The following FUT8 variants were observed in gnomAD, a reference collection of about 807,000 sequenced individuals.
The protein encoded by FUT8 is fucosyltransferase 8.
Under a neutral mutation model 71.3 loss-of-function variants are expected in FUT8, and 29 were observed. That is an observed-to-expected ratio of 0.41 (90% CI 0.30 to 0.55). FUT8 has a LOEUF of 0.55. Ranked by LOEUF, FUT8 falls within the 20% of genes least tolerant of loss-of-function variation. The probability of loss-of-function intolerance (pLI) is 0.34; values close to 1 mark genes in which losing one functional copy is unlikely to be tolerated. For missense variants in FUT8, 544 were observed against 702.1 expected, an observed-to-expected ratio of 0.77 and a Z score of 2.55; for synonymous variants, 254 against 239.3, an observed-to-expected ratio of 1.06 and a Z score of -0.57.
intron 1 of FUT8, among the ~76,000 whole-genome samples, chr14:65,423,418 C>G (rs550628221): frequency 1.4e-4 from 21 of 152,142 alleles, no homozygotes; most frequent in African/African-American, 4.3e-4. Context: ...CCCATCACTA[C>G]GCCAGGCTAA....
At chr14:65,490,561 T>G (rs1422444828) in intron 2 of FUT8, among the ~76,000 whole-genome samples, 1 of 152,154 alleles carries the variant, frequency 6.6e-6, no homozygotes, top group African/African-American at 2.4e-5. Flanking sequence ...AAAAATATAT[T>G]TCTTCAAATT....
chr14:65,533,480 G>T (rs1021372664), intron 2 of FUT8, among the ~76,000 whole-genome samples: 1 of 152,090 alleles, frequency 6.6e-6, no homozygotes, highest in East Asian at 1.9e-4. Context: ...TATAGGAATG[G>T]TAGTGATTTT....
chr14:65,649,587 TAAAGCTGAACTCTAAGGAA>T (rs1324156715), intron 6 of FUT8, among the ~76,000 whole-genome samples: 1 of 152,192 alleles, frequency 6.6e-6, no homozygotes, highest in Non-Finnish European at 1.5e-5. Flanking sequence ...AAAATGGAAA[TAAAGCTGAACTCTAAGGAA>T]AAGCTTTTAA....
intron 3 of FUT8, among the ~76,000 whole-genome samples, chr14:65,598,660 A>C (rs1594802601): frequency 1.3e-5 from 2 of 152,336 alleles, no homozygotes; most frequent in African/African-American, 4.8e-5. Flanking sequence ...CATTTTAATT[A>C]CTGAATTATG....
At chr14:65,372,466 A>G in the FUT8 span, among the ~76,000 whole-genome samples, 1 of 148,574 alleles carries the variant, frequency 6.7e-6, no homozygotes, top group Admixed American at 6.8e-5. Context: ...CCCGAGCTGG[A>G]GTGCAGTGGC....
chr14:65,667,983 T>G (rs1892298468), intron 6 of FUT8, among the ~76,000 whole-genome samples: 1 of 152,194 alleles, frequency 6.6e-6, no homozygotes, highest in African/African-American at 2.4e-5. Context: ...AAGGACTCCC[T>G]ATTCAATAAA....
intron 1 of FUT8, among the ~76,000 whole-genome samples, chr14:65,421,832 A>C (rs1158458795): frequency 6.9e-6 from 1 of 144,552 alleles, no homozygotes; most frequent in Non-Finnish European, 1.5e-5. Context: ...CATGCACAAC[A>C]TCTGGACACA....
chr14:65,494,153 T>C lies in FUT8; in HGVS notation c.-228+38435T>C, dbSNP rs540261674. ...ACCACACATGTAATTTTTTAACTTT[T>C]TGTTAGCTACATTTAAAAAGCAAAA... On this transcript the variant is annotated intron_variant, in intron 2 of 10. Coordinates refer to ENST00000673929, the MANE Select transcript of FUT8 (RefSeq NM_001371533.1). 2.0e-5 allele frequency among the ~76,000 whole-genome samples: 3 copies of C among 152,316 alleles called. No individual in the cohort carries two copies. The South Asian group carries it at 6.2e-4, about 32-fold the overall frequency.
At chr14:65,580,070 T>TTTTATATATA (rs1555372883) in intron 3 of FUT8, among the ~76,000 whole-genome samples, 3 of 142,832 alleles carry the variant, frequency 2.1e-5, no homozygotes, top group East Asian at 4.0e-4. Context: ...GTGCTATATT[T>TTTTATATATA]TATATATATA....
the FUT8 span, among the ~76,000 whole-genome samples, chr14:65,403,538 C>T: frequency 6.6e-6 from 1 of 152,192 alleles, no homozygotes; most frequent in Non-Finnish European, 1.5e-5. Context: ...AGGATCTCTG[C>T]TTTCAAGAGG....
At chr14:65,389,946 T>C in the FUT8 span, among the ~76,000 whole-genome samples, 1 of 150,784 alleles carries the variant, frequency 6.6e-6, no homozygotes, top group Non-Finnish European at 1.5e-5. Flanking sequence ...ATCGAGACCA[T>C]CCTGGCCAAC....
At position 65,502,659 on chromosome 14, in the gene FUT8, A is replaced by G. The variant is rs142347857; in HGVS notation, c.-228+46941A>G. 3.3e-3 allele frequency among the ~76,000 whole-genome samples: 496 copies of G among 152,326 alleles called. 3 individuals are homozygous for G. In the East Asian group the frequency reaches 0.036, roughly 11 times the overall value. The stretch of plus-strand genomic sequence containing the variant: ...CCTTATTTAAAATGTAAAATAAATA[A>G]TGGTAAAAGTAATGATGTTACCCAT... On this transcript the variant is annotated intron_variant, in intron 2 of 10. Coordinates refer to ENST00000673929, the MANE Select transcript of FUT8 (RefSeq NM_001371533.1).
chr14:65,692,604 G>A (rs1396326500), intron 7 of FUT8, among the ~76,000 whole-genome samples: 2 of 151,030 alleles, frequency 1.3e-5, no homozygotes, highest in African/African-American at 4.9e-5. Context: ...GCTGGGCGGG[G>A]GGCTGACCCC....
chr14:65,650,298 CAAAAAAAA>C (rs869168766), intron 6 of FUT8, among the ~76,000 whole-genome samples: 2 of 39,696 alleles, frequency 5.0e-5, no homozygotes, highest in Admixed American at 4.1e-4. Context: ...GACTCTGTCT[CAAAAAAAA>C]AAAAAAAAAA....
chr14:65,518,631 T>A (rs576845951), intron 2 of FUT8, among the ~76,000 whole-genome samples: 1 of 152,274 alleles, frequency 6.6e-6, no homozygotes, highest in Non-Finnish European at 1.5e-5. Flanking sequence ...TTCAAGTGAA[T>A]CTCGTGCCTC....
intron 2 of FUT8, among the ~76,000 whole-genome samples, chr14:65,493,221 A>G (rs573769884): frequency 3.3e-4 from 51 of 152,284 alleles, no homozygotes; most frequent in African/African-American, 1.2e-3. Flanking sequence ...TATTTCAGTC[A>G]TCTGTGAAGA....
chr14:65,698,548 A>C (rs1894113959), intron 7 of FUT8, among the ~76,000 whole-genome samples: 1 of 152,224 alleles, frequency 6.6e-6, no homozygotes, highest in African/African-American at 2.4e-5. Flanking sequence ...TTGAGGTCTT[A>C]AACTATTATC....
intron 6 of FUT8, among the ~76,000 whole-genome samples, chr14:65,639,336 G>A (rs577763595): frequency 3.3e-5 from 5 of 152,108 alleles, no homozygotes; most frequent in Non-Finnish European, 7.4e-5. Context: ...TTGTGGGAGC[G>A]TAGGTCCAAT....
At position 65,466,375 on chromosome 14, in the gene FUT8, C is replaced by T. The variant is rs151240693; in HGVS notation, c.-228+10657C>T. ...TCTTTTTTCGTCTTTCACTTTGTCTCTGCCTTCTTCATTGTAATTCAGCAT... is the reference window on the plus strand; with the variant it reads ...TCTTTTTTCGTCTTTCACTTTGTCTTTGCCTTCTTCATTGTAATTCAGCAT... On this transcript the variant is annotated intron_variant, in intron 2 of 10. Transcript: ENST00000673929. 2.1e-4 allele frequency among the ~76,000 whole-genome samples: 32 copies of T among 152,312 alleles called. 1 individual carries two copies. In the East Asian group the frequency reaches 6.2e-3, roughly 29 times the overall value.
Sources: allele counts gnomAD v4.1 joint callset (sites outside exome capture counted in the v4.1 genomes callset), GRCh38; gene constraint gnomAD v4.1.1; transcripts MANE v1.5; gene names NCBI Gene and HGNC (gene_info 2026-07-23, HGNC 2026-07-21).